The following PPRC1 variants were observed in gnomAD, a reference collection of about 807,000 sequenced individuals.
The protein encoded by PPRC1 is PPARG related coactivator 1.
PPRC1 carries 23 observed loss-of-function variants against 132.5 expected under a neutral mutation model. The observed-to-expected ratio is 0.17, with a 90% confidence interval of 0.12 to 0.25. PPRC1 has a LOEUF of 0.25. PPRC1 is among the 10% of genes least tolerant of loss of function. PPRC1 has a pLI of 1.00. For synonymous variants in PPRC1, 872 were observed against 833.5 expected, an observed-to-expected ratio of 1.05 and a Z score of -0.80; for missense variants, 2,006 against 2,089.1, an observed-to-expected ratio of 0.96 and a Z score of 0.78.
chr10:102,132,569 G>A (rs920644253), upstream of PPRC1, among the ~76,000 whole-genome samples: 1 of 152,246 alleles, frequency 6.6e-6, no homozygotes, highest in Non-Finnish European at 1.5e-5. Context: ...TTCCGATTAA[G>A]TTTGCAGTAC....
In PPRC1 at chr10:102,139,728, T is replaced by G. The variant is rs2068869964; in HGVS notation, c.1220T>G (p.Leu407Arg). The G allele has an allele frequency of 6.2e-7, 1 of 1,614,014 alleles. No homozygotes were observed. The highest frequency in any genetic ancestry group is 1.3e-5 in the African/African-American group (1 of 74,930). The change falls in exon 5 of 14, where the codon CTC becomes CGC. Residue 407 changes from leucine (L) to arginine (R), a missense_variant. Coordinates refer to ENST00000278070, the MANE Select transcript of PPRC1 (RefSeq NM_015062.5). ...GAGGCTGCTGTGCCCAAGGTAACCC[T>G]CTGCTCTGAGAAAGAGGGGTTGTCA... ...ETEAAVPKVT[L>R]CSEKEGLSLN...
chr10:102,148,161 C>T lies in PPRC1; in HGVS notation c.4401-211C>T, dbSNP rs1212020751. On this transcript the variant is annotated intron_variant, in intron 9 of 13. Coordinates refer to ENST00000278070, the MANE Select transcript of PPRC1 (RefSeq NM_015062.5). The surrounding 1 kb of genome is among the most constrained non-coding windows in gnomAD (Gnocchi z 4.2). ...ATTGAAAATGTGATCTCTTCCAAAA[C>T]ACTTCACAACATTCCAGGTACACCT... Among the ~76,000 whole-genome samples, 1 of 152,216 alleles carries T rather than the reference C, an allele frequency of 6.6e-6. No homozygotes were observed. Among genetic ancestry groups the T allele is most frequent in the African/African-American group, 2.4e-5 (1 of 41,466 alleles).
At chr10:102,145,111 T>G in intron 8 of PPRC1, 21 bp downstream of exon 8, 5 of 1,599,206 alleles carry the variant, frequency 3.1e-6, no homozygotes, top group Non-Finnish European at 4.3e-6. Flanking sequence ...GGTGGGGAAT[T>G]CTGCCTGTGA....
Position 102,148,951 on chromosome 10 carries a change from C to A in PPRC1, c.4739+13C>A. Reference sequence around the variant, plus strand: ...TCCGTGTCCAAGGGTAAGCTTGGGCCCCAGGCTCAGGATGTTCTTTCTATC... The same window carrying A: ...TCCGTGTCCAAGGGTAAGCTTGGGCACCAGGCTCAGGATGTTCTTTCTATC... On this transcript the variant is annotated intron_variant, in intron 12 of 13. Coordinates refer to ENST00000278070, the MANE Select transcript of PPRC1 (RefSeq NM_015062.5). The surrounding 1 kb of genome is among the most constrained non-coding windows in gnomAD (Gnocchi z 4.2). 6.2e-7 allele frequency: 1 copy of A among 1,612,932 alleles called. No individual in the cohort carries two copies. Among genetic ancestry groups the A allele is most frequent in the Non-Finnish European group, 8.5e-7 (1 of 1,179,640 alleles).
the PPRC1 span, among the ~76,000 whole-genome samples, chr10:102,124,784 A>G: frequency 2.0e-5 from 3 of 151,916 alleles, no homozygotes; most frequent in Non-Finnish European, 4.4e-5. Context: ...CTAGGACTAT[A>G]GGTACACACC....
At chr10:102,145,207 T>C in intron 8 of PPRC1, 117 bp downstream of exon 8, 2 of 962,720 alleles carry the variant, frequency 2.1e-6, no homozygotes, top group Non-Finnish European at 1.5e-6. Flanking sequence ...TCTCCAGCCT[T>C]GAGATACTCA....
In PPRC1 at chr10:102,144,230, CT is replaced by C; in HGVS notation, c.3551-19del. ...CTAGAACATCTGGTTGGGCTTTTAACTAGTATGGTTTCTTTGCAGCCAAAAA... is the reference window on the plus strand; with the variant it reads ...CTAGAACATCTGGTTGGGCTTTTAACAGTATGGTTTCTTTGCAGCCAAAAA... On this transcript the variant is annotated intron_variant, in intron 6 of 13. Transcript: ENST00000278070. 6.2e-7 allele frequency: 1 copy of C among 1,613,796 alleles called. No homozygotes were observed. Among genetic ancestry groups the C allele is most frequent in the African/African-American group, 1.3e-5 (1 of 75,038 alleles).
At chr10:102,120,517 T>A in the PPRC1 span, 1 of 342,734 alleles carries the variant, frequency 2.9e-6, no homozygotes, top group Non-Finnish European at 4.1e-6. Context: ...CGGGCTTTAT[T>A]AATATGCTAA....
chr10:102,131,832 A>G (rs2068547681), upstream of PPRC1, among the ~76,000 whole-genome samples: 1 of 152,006 alleles, frequency 6.6e-6, no homozygotes, highest in African/African-American at 2.4e-5. Context: ...TAATTTTTAA[A>G]TTTTTGGTAG....
At chr10:102,128,396 A>G (rs771939086), upstream of PPRC1, among the ~76,000 whole-genome samples, 13 of 151,460 alleles carry the variant, frequency 8.6e-5, no homozygotes, top group Non-Finnish European at 1.6e-4. Context: ...TGCCCACCTC[A>G]GCCTCCCAAA....
At chr10:102,120,941 C>G in the PPRC1 span, among the ~76,000 whole-genome samples, 1 of 152,154 alleles carries the variant, frequency 6.6e-6, no homozygotes, top group Non-Finnish European at 1.5e-5. Context: ...TCTGGAGGCC[C>G]CTTGTTTCGC....
upstream of PPRC1, among the ~76,000 whole-genome samples, chr10:102,132,750 G>A (rs554968877): frequency 6.6e-6 from 1 of 152,342 alleles, no homozygotes; most frequent in South Asian, 2.1e-4. Context: ...ACAAGTTAAC[G>A]ACAATAAAAT....
the PPRC1 span, among the ~76,000 whole-genome samples, chr10:102,123,397 AG>A: frequency 5.4e-5 from 8 of 147,606 alleles, no homozygotes; most frequent in Non-Finnish European, 6.0e-5. Context: ...GTCTATGTGG[AG>A]GGGGGGTCTT....
the PPRC1 span, chr10:102,120,014 C>T: frequency 7.9e-7 from 1 of 1,262,118 alleles, no homozygotes; most frequent in Non-Finnish European, 1.1e-6. Flanking sequence ...CAAGTTCTCG[C>T]CAAACACGGG....
rs2069447997 is a variant in PPRC1, at chr10:102,150,165, AAT to A, written c.*139_*140del. ...AGAAATGGAAAAAAGTGAAATAAAA[AAT>A]ATGTTGAATCAGATTTTTTAAAAGG... On this transcript the variant is annotated 3_prime_UTR_variant, in exon 14 of 14. Coordinates refer to ENST00000278070, the MANE Select transcript of PPRC1 (RefSeq NM_015062.5). 2 of 642,914 alleles carry A rather than the reference AAT, an allele frequency of 3.1e-6. No individual in the cohort carries two copies. Among genetic ancestry groups the A allele is most frequent in the Non-Finnish European group, 5.4e-6 (2 of 370,110 alleles). The allele number at this position is 642,914 out of a possible 1,614,324, so 39.8% of individuals were successfully genotyped here. A position where few individuals can be genotyped will look rare whatever the true frequency, so the allele number is the denominator to read the frequency against.
rs2069377963 is a variant in PPRC1, at chr10:102,148,725, G to A, written c.4617+31G>A. The A allele has an allele frequency of 1.2e-6, 2 of 1,613,928 alleles. No homozygotes were observed. The highest frequency in any genetic ancestry group is 2.2e-5 in the East Asian group (1 of 44,898). On this transcript the variant is annotated intron_variant, in intron 11 of 13. Transcript: ENST00000278070. The surrounding 1 kb of genome is among the most constrained non-coding windows in gnomAD (Gnocchi z 4.2). ...TAGAGGAACAGATCATGGGAGGATGGGGCTTACCCCCTGAGCCTTGAGCTC... is the reference window on the plus strand; with the variant it reads ...TAGAGGAACAGATCATGGGAGGATGAGGCTTACCCCCTGAGCCTTGAGCTC...
chr10:102,128,923 CTTTTTTTT>C (rs1027475920), upstream of PPRC1, among the ~76,000 whole-genome samples: 4 of 75,642 alleles, frequency 5.3e-5, no homozygotes, highest in African/African-American at 2.2e-4. Context: ...CAGCGGCAGT[CTTTTTTTT>C]TTTTTTTTTT....
At position 102,140,106 on chromosome 10, in the gene PPRC1, A is replaced by T. The variant is rs764579037; in HGVS notation, c.1598A>T (p.Glu533Val). 6.2e-7 allele frequency: 1 copy of T among 1,614,264 alleles called. No individual in the cohort carries two copies. Among genetic ancestry groups the T allele is most frequent in the South Asian group, 1.1e-5 (1 of 91,090 alleles). ...AWARAWAAALENSSPKNLERS... is the reference protein window; with the variant it reads ...AWARAWAAALVNSSPKNLERS... Reference sequence around the variant, plus strand: ...GCTCGGGCCTGGGCAGCTGCCTTGGAGAATTCTAGCCCTAAGAACTTGGAG... The same window carrying T: ...GCTCGGGCCTGGGCAGCTGCCTTGGTGAATTCTAGCCCTAAGAACTTGGAG... The change falls in exon 5 of 14, where the codon GAG becomes GTG. Residue 533 changes from glutamate to valine, a missense_variant. Around this residue, in one of 2 missense-constraint regions of PPRC1, gnomAD observed 1,914 missense variants for 1,917.2 expected, o/e 1.00. Transcript: ENST00000278070.
At position 102,139,818 on chromosome 10, in the gene PPRC1, T is replaced by C; in HGVS notation, c.1310T>C (p.Val437Ala). 6.2e-7 allele frequency: 1 copy of C among 1,614,086 alleles called. No individual in the cohort carries two copies. ...LLKPREVVEPVVPKEPQNPPA... is the reference protein window; with the variant it reads ...LLKPREVVEPAVPKEPQNPPA... ...AAGCCCAGGGAGGTCGTGGAGCCGG[T>C]GGTGCCCAAGGAGCCTCAGAACCCA... is the stretch of plus-strand genomic sequence containing the variant. Residue 437 changes from valine (V) to alanine (A), a missense_variant, in exon 5 of 14, where the codon GTG becomes GCG. By Grantham distance (64) the Val-to-Ala change is moderately conservative. Around this residue, in one of 2 missense-constraint regions of PPRC1, gnomAD observed 1,914 missense variants for 1,917.2 expected, o/e 1.00. Transcript: ENST00000278070.
Sources: allele counts gnomAD v4.1 joint callset (sites outside exome capture counted in the v4.1 genomes callset), GRCh38; gene constraint gnomAD v4.1.1; regional missense constraint gnomAD v4.1.1; non-coding constraint Gnocchi (gnomAD v3.1); transcripts MANE v1.5; gene names NCBI Gene and HGNC (gene_info 2026-07-23, HGNC 2026-07-21).